Variants in COA6 observed in about 807,000 individuals in gnomAD.
COA6 encodes the protein cytochrome c oxidase assembly factor 6, also known as cytochrome c oxidase assembly factor 6 homolog.
Under a neutral mutation model 17.1 loss-of-function variants are expected in COA6, and 12 were observed. The observed-to-expected ratio is 0.70, with a 90% confidence interval of 0.45 to 1.14. COA6 has a LOEUF of 1.14. COA6 is among the 50% of genes most tolerant of loss of function. The probability of loss-of-function intolerance (pLI) is 0.00; values close to 1 mark genes in which losing one functional copy is unlikely to be tolerated. For missense variants in COA6, 246 were observed against 196.5 expected (o/e 1.25, Z -1.51); for synonymous variants, 90 against 73.4 (o/e 1.23, Z -1.16).
chr1:234,377,855 C>G (rs1658853316), intron 2 of COA6, among the ~76,000 whole-genome samples: 1 of 152,204 alleles, frequency 6.6e-6, no homozygotes, highest in Non-Finnish European at 1.5e-5. Flanking sequence ...CATTACCTCA[C>G]CTGTCCAGAT....
In COA6 at chr1:234,374,269, A is replaced by G; in HGVS notation, c.252A>G (p.Glu84=). The G allele has an allele frequency of 6.2e-7, 1 of 1,613,752 alleles. No individual in the cohort carries two copies. The highest frequency in any genetic ancestry group is 8.5e-7 in the Non-Finnish European group (1 of 1,179,950). The change falls in exon 2 of 3, where the codon GAA becomes GAG. Residue 84 remains glutamate (E), a synonymous_variant. Coordinates refer to ENST00000366615, the MANE Select transcript of COA6 (RefSeq NM_001206641.3). ...GAATGGCAGCCCCATCTATGAAGGA[A>G]AGACAGGTCTGCTGGGGGGCCCGGG... ...AVGMAAPSMK[E]RQVCWGARDE...
chr1:234,383,535 TAAAA>T (rs1206807601), intron 2 of COA6, among the ~76,000 whole-genome samples, 184 bp from the exon 3 acceptor site: 1 of 121,156 alleles, frequency 8.3e-6, no homozygotes, highest in African/African-American at 3.2e-5. Context: ...TAAAGTATAA[TAAAA>T]AAAAAAAGAA....
chr1:234,373,730 A>G (rs1358220149), intron 1 of COA6, 52 bp downstream of exon 1: 3 of 1,613,700 alleles, frequency 1.9e-6, no homozygotes, highest in African/African-American at 1.3e-5. Context: ...TGGGCCCGGG[A>G]GGTCCCTTAC....
At chr1:234,381,481 A>T (rs4477318) in intron 2 of COA6, among the ~76,000 whole-genome samples, 67,512 of 152,008 alleles carry the variant, frequency 0.44, 16,131 homozygotes, top group African/African-American at 0.62. Flanking sequence ...TTCAGAGAGG[A>T]TGGACAGGGG....
At chr1:234,378,187 A>G (rs1358517308) in intron 2 of COA6, among the ~76,000 whole-genome samples, 1 of 152,212 alleles carries the variant, frequency 6.6e-6, no homozygotes, top group Non-Finnish European at 1.5e-5. Flanking sequence ...AGAGAAAAAA[A>G]ATCACCCAAA....
At chr1:234,374,134 T>G in intron 1 of COA6, 96 bp from the exon 2 acceptor site, 1 of 1,249,274 alleles carries the variant, frequency 8.0e-7, no homozygotes, top group Non-Finnish European at 1.1e-6. Context: ...TTTTTTAGTT[T>G]TAAAGGAAGA....
chr1:234,384,592 T>A lies in COA6; in HGVS notation c.*774T>A, dbSNP rs1164840424. ...ATTTGTGAATAGCACCAAAAAAAATTAAAGGAATACTTAGGTATAAATCTA... is the reference window on the plus strand; with the variant it reads ...ATTTGTGAATAGCACCAAAAAAAATAAAAGGAATACTTAGGTATAAATCTA... On this transcript the variant is annotated 3_prime_UTR_variant, in exon 3 of 3. Transcript: ENST00000366615. Among the ~76,000 whole-genome samples, 2 of 152,026 alleles carry A rather than the reference T, an allele frequency of 1.3e-5. No individual in the cohort carries two copies. The highest frequency in any genetic ancestry group is 4.8e-5 in the African/African-American group (2 of 41,384).
Position 234,374,396 on chromosome 1 carries a change from C to G in COA6, c.372+7C>G, listed in dbSNP as rs139713449. 68 of 1,613,824 alleles carry G rather than the reference C, an allele frequency of 4.2e-5. 2 individuals carry two copies. The African/African-American group carries it at 5.5e-4, about 13-fold the overall frequency. Reference sequence around the variant, plus strand: ...AAGTTGTCCCCAACAGTGGGTAAGTCACACTTTGATGTGTTTCTCTTCCCT... The same window carrying G: ...AAGTTGTCCCCAACAGTGGGTAAGTGACACTTTGATGTGTTTCTCTTCCCT... On this transcript the variant is annotated splice_region_variant and intron_variant, in intron 2 of 2. Transcript: ENST00000366615.
At chr1:234,373,983 G>A in intron 1 of COA6, 2 of 1,094,846 alleles carry the variant, frequency 1.8e-6, no homozygotes, top group Non-Finnish European at 2.6e-6. Context: ...CCACGCTGCC[G>A]CCCCAGCAGG....
intron 2 of COA6, among the ~76,000 whole-genome samples, chr1:234,383,231 A>G (rs961903492): frequency 6.6e-6 from 1 of 152,206 alleles, no homozygotes; most frequent in South Asian, 2.1e-4. Flanking sequence ...GAGTTATTCA[A>G]ATTCTCAGTA....
rs760114232 is a variant in COA6 at position 234,373,748 on chromosome 1, G to T, written c.212+70G>T. On this transcript the variant is annotated intron_variant, in intron 1 of 2. Coordinates refer to ENST00000366615, the MANE Select transcript of COA6 (RefSeq NM_001206641.3). ...GCCCGGGAGGTCCCTTACTGTCCCC[G>T]AGCCGCGGGTTCCTCTTGTGCAAAA... 5 of 1,613,820 alleles carry T rather than the reference G, an allele frequency of 3.1e-6. No homozygotes were observed. The Admixed American group carries it at 8.3e-5, about 27-fold the overall frequency.
chr1:234,378,573 C>T (rs572019921), intron 2 of COA6, among the ~76,000 whole-genome samples: 11 of 152,272 alleles, frequency 7.2e-5, no homozygotes, highest in South Asian at 6.2e-4. Context: ...AATGAAACAG[C>T]CAGAAACCTG....
intron 2 of COA6, among the ~76,000 whole-genome samples, chr1:234,382,378 G>A (rs188639491): frequency 2.6e-5 from 4 of 152,314 alleles, no homozygotes; most frequent in Admixed American, 1.3e-4. Flanking sequence ...TTACAGATCA[G>A]ACTTCAAACA....
intron 2 of COA6, among the ~76,000 whole-genome samples, chr1:234,383,410 A>G (rs1036661564): frequency 6.6e-6 from 1 of 151,838 alleles, no homozygotes; most frequent in Non-Finnish European, 1.5e-5. Context: ...GGGGACAGAT[A>G]GCATTAGGAG....
chr1:234,385,039 C>CTT lies in COA6; in HGVS notation c.*1225_*1226dup, dbSNP rs147897532. The stretch of plus-strand genomic sequence containing the variant: ...GTATATATGCCTTCATTTTAAAATA[C>CTT]TTTTTATTACTAAAAAATGCTAAAG... On this transcript the variant is annotated 3_prime_UTR_variant, in exon 3 of 3. Coordinates refer to ENST00000366615, the MANE Select transcript of COA6 (RefSeq NM_001206641.3). Among the ~76,000 whole-genome samples, 3 of 81,038 alleles carry CTT rather than the reference C, an allele frequency of 3.7e-5. No individual in the cohort carries two copies. Among genetic ancestry groups the CTT allele is most frequent in the African/African-American group, 9.1e-5 (3 of 32,792 alleles). 53.2% of individuals were successfully genotyped at this position (81,038 alleles called of 152,430 possible). A position where few individuals can be genotyped will look rare whatever the true frequency, so the allele number is the denominator to read the frequency against.
At position 234,374,326 on chromosome 1, in the gene COA6, AG is replaced by A; in HGVS notation, c.310del (p.Glu104ArgfsTer9). The A allele has an allele frequency of 6.2e-7, 1 of 1,614,068 alleles. No homozygotes were observed. Among genetic ancestry groups the A allele is most frequent in the Non-Finnish European group, 8.5e-7 (1 of 1,180,000 alleles). Reference sequence around the variant, plus strand: ...ACTGGAAGTGTTTAGATGAGAACTTAGAGGATGCTTCTCAATGCAAGAAGTT... The same window carrying A: ...ACTGGAAGTGTTTAGATGAGAACTTAAGGATGCTTCTCAATGCAAGAAGTT... The part of the protein sequence containing the change: ...EYWKCLDENL[E>X]DASQCKKLRS... On this transcript the variant is annotated frameshift_variant, in exon 2 of 3. Coordinates refer to ENST00000366615, the MANE Select transcript of COA6 (RefSeq NM_001206641.3). LOFTEE classifies it high-confidence loss of function.
At position 234,373,588 on chromosome 1, in the gene COA6, G is replaced by T. The variant is rs113294015; in HGVS notation, c.122G>T (p.Arg41Leu). Residue 41 changes from arginine (R) to leucine (L), a missense_variant, in exon 1 of 3, where the codon CGG becomes CTG. Coordinates refer to ENST00000366615, the MANE Select transcript of COA6 (RefSeq NM_001206641.3). ...GGGCGACCCTGCAGTGGCAGGACTCGGCACCGCGCCCTCCACCGCCGGTTG... is the reference window on the plus strand; with the variant it reads ...GGGCGACCCTGCAGTGGCAGGACTCTGCACCGCGCCCTCCACCGCCGGTTG... ...PAGRPCSGRT[R>L]HRALHRRLVA... 261 of 1,612,208 alleles carry T rather than the reference G, an allele frequency of 1.6e-4. No individual in the cohort carries two copies. In the African/African-American group the frequency reaches 2.8e-3, roughly 17 times the overall value.
At chr1:234,376,484 T>C (rs930482791) in intron 2 of COA6, among the ~76,000 whole-genome samples, 4 of 152,194 alleles carry the variant, frequency 2.6e-5, no homozygotes, top group African/African-American at 9.7e-5. Flanking sequence ...CTATCTTATT[T>C]ATCCCTCGTG....
intron 2 of COA6, among the ~76,000 whole-genome samples, chr1:234,379,773 G>T (rs1658915911): frequency 2.0e-5 from 3 of 152,112 alleles, no homozygotes; most frequent in Admixed American, 2.0e-4. Flanking sequence ...CCAAACAAAG[G>T]GGGAAGAGCC....
Sources: gnomAD v4.1 joint callset for allele counts (sites outside exome capture counted in the v4.1 genomes callset) on GRCh38, gnomAD v4.1.1 for gene constraint, MANE v1.5 for transcripts, NCBI Gene and HGNC (gene_info 2026-07-23, HGNC 2026-07-21) for gene names.